DHRSX: variants seen among roughly 807,000 people sequenced by gnomAD.
DHRSX encodes dehydrogenase/reductase X-linked.
A neutral mutation model predicts 34.0 loss-of-function variants in DHRSX; 31 were observed. The observed-to-expected ratio is 0.91, with a 90% confidence interval of 0.69 to 1.23. The LOEUF (loss-of-function observed/expected upper bound fraction) is 1.23. Ranked by LOEUF, DHRSX falls within the 50% of genes most tolerant of loss-of-function variation. The pLI is 0.00. For missense variants in DHRSX, 414 were observed against 428.1 expected (o/e 0.97, Z 0.29); for synonymous variants, 201 against 183.8 (o/e 1.09, Z -0.76).
chrX:2,461,782 C>T (rs2044405551), intron 1 of DHRSX, among the ~76,000 whole-genome samples: 1 of 152,166 alleles, frequency 6.6e-6, no homozygotes, highest in South Asian at 2.1e-4. Context: ...TCACTGCAGC[C>T]TCCAACTCCC....
chrX:2,446,541 C>T (rs1010204838), intron 1 of DHRSX, among the ~76,000 whole-genome samples: 25 of 152,062 alleles, frequency 1.6e-4, no homozygotes, highest in Non-Finnish European at 2.9e-4. Context: ...AAGAGACCAC[C>T]GCCATGTACA....
rs180813542 is a variant in DHRSX at position 2,251,870 on chromosome X, C to T, written c.597-8640G>A. On this transcript the variant is annotated intron_variant, in intron 5 of 6. Coordinates refer to ENST00000334651, the MANE Select transcript of DHRSX (RefSeq NM_145177.3). Reference sequence around the variant, plus strand: ...CATGGAGACTTTGCAAAATAATGAACAATCAAAACATAACTTTTTGGGGGT... The same window carrying T: ...CATGGAGACTTTGCAAAATAATGAATAATCAAAACATAACTTTTTGGGGGT... 5.6e-3 allele frequency among the ~76,000 whole-genome samples: 844 copies of T among 151,990 alleles called. 8 individuals carry two copies. Among genetic ancestry groups the T allele is most frequent in the Middle Eastern group, 0.01 (3 of 294 alleles).
intron 3 of DHRSX, among the ~76,000 whole-genome samples, chrX:2,388,394 G>C (rs1263267464): frequency 2.0e-5 from 3 of 152,128 alleles, no homozygotes; most frequent in Admixed American, 6.5e-5. Context: ...GTTGGGGGGA[G>C]GCTGATCCAA....
At chrX:2,368,242 C>CA (rs761239560) in intron 3 of DHRSX, among the ~76,000 whole-genome samples, 19,166 of 118,138 alleles carry the variant, frequency 0.16, 1,366 homozygotes, top group East Asian at 0.2. Context: ...GACTCTGTCT[C>CA]AAAAAAAAAA....
At chrX:2,489,721 A>G in intron 1 of DHRSX, 1 of 1,613,076 alleles carries the variant, frequency 6.2e-7, no homozygotes, top group Non-Finnish European at 8.5e-7. Context: ...TCTGCTTCTC[A>G]TAGAGCATGT....
At chrX:2,260,989 C>T (rs2041356308) in intron 5 of DHRSX, among the ~76,000 whole-genome samples, 1 of 151,480 alleles carries the variant, frequency 6.6e-6, no homozygotes, top group Admixed American at 6.6e-5. Flanking sequence ...GCAGGCAGAT[C>T]ACTTGAGGTC....
At chrX:2,352,680 C>T (rs189478482) in intron 3 of DHRSX, among the ~76,000 whole-genome samples, 18 of 152,234 alleles carry the variant, frequency 1.2e-4, no homozygotes, top group Middle Eastern at 3.4e-3. Flanking sequence ...GAGAATACCA[C>T]GTTTCGGCGT....
intron 3 of DHRSX, among the ~76,000 whole-genome samples, chrX:2,367,866 A>C (rs1442200601): frequency 6.6e-6 from 1 of 152,162 alleles, no homozygotes; most frequent in Non-Finnish European, 1.5e-5. Context: ...CATTTTTAGA[A>C]GGCACATTGA....
chrX:2,488,397 T>G, intron 1 of DHRSX: 1 of 484,174 alleles, frequency 2.1e-6, no homozygotes. Flanking sequence ...CTGGTCTCGA[T>G]CTCCTGACCT....
chrX:2,241,020 C>A (rs763343370), intron 6 of DHRSX, among the ~76,000 whole-genome samples: 1 of 152,148 alleles, frequency 6.6e-6, no homozygotes, highest in African/African-American at 2.4e-5. Context: ...CCTGTCTTTA[C>A]TAAAAATACA....
chrX:2,231,756 C>G (rs2015891044), intron 6 of DHRSX, among the ~76,000 whole-genome samples: 1 of 149,710 alleles, frequency 6.7e-6, no homozygotes, highest in East Asian at 2.0e-4. Flanking sequence ...CCACCTCGTC[C>G]TCTTCCTCCT....
At chrX:2,243,818 TTTTTGA>T in intron 5 of DHRSX, among the ~76,000 whole-genome samples, 1 of 115,706 alleles carries the variant, frequency 8.6e-6, no homozygotes, top group African/African-American at 4.7e-5. Context: ...TTTTTTTTTT[TTTTTGA>T]GACAGATTCT....
At chrX:2,405,884 C>A (rs1165609452) in intron 3 of DHRSX, among the ~76,000 whole-genome samples, 1 of 141,862 alleles carries the variant, frequency 7.0e-6, no homozygotes, top group African/African-American at 2.8e-5. Context: ...TTCAAACAGC[C>A]AAGGAAGGGA....
intron 1 of DHRSX, among the ~76,000 whole-genome samples, chrX:2,480,393 A>T (rs180972016): frequency 1.3e-5 from 2 of 151,436 alleles, no homozygotes; most frequent in Non-Finnish European, 2.9e-5. Flanking sequence ...ATAAAATTTC[A>T]GTTGGAGGCC....
intron 1 of DHRSX, among the ~76,000 whole-genome samples, chrX:2,453,539 G>A (rs750393882): frequency 6.6e-6 from 1 of 151,928 alleles, no homozygotes. Flanking sequence ...AGGTGTGGTG[G>A]TGTGCACCTG....
At chrX:2,324,133 G>C (rs931574324) in intron 3 of DHRSX, among the ~76,000 whole-genome samples, 9 of 151,800 alleles carry the variant, frequency 5.9e-5, no homozygotes, top group African/African-American at 2.2e-4. Flanking sequence ...TTTCTGCTTT[G>C]TTGGTGATTT....
At chrX:2,461,486 A>G (rs1263618875) in intron 1 of DHRSX, among the ~76,000 whole-genome samples, 4 of 152,218 alleles carry the variant, frequency 2.6e-5, no homozygotes, top group Non-Finnish European at 2.9e-5. Flanking sequence ...TTAGGGCACA[A>G]AGAACCCAAC....
intron 1 of DHRSX, among the ~76,000 whole-genome samples, chrX:2,448,530 T>C (rs1438778650): frequency 2.0e-5 from 3 of 148,824 alleles, no homozygotes; most frequent in Admixed American, 1.3e-4. Flanking sequence ...TGTGAATATG[T>C]TAATTAGCTT....
chrX:2,339,646 T>G (rs1228658964), intron 3 of DHRSX, among the ~76,000 whole-genome samples: 2 of 152,200 alleles, frequency 1.3e-5, no homozygotes, highest in African/African-American at 4.8e-5. Context: ...GATGTTTGGT[T>G]TTCCATTCCT....
Sources: gnomAD v4.1 joint callset for allele counts (sites outside exome capture counted in the v4.1 genomes callset) on GRCh38, gnomAD v4.1.1 for gene constraint, MANE v1.5 for transcripts, NCBI Gene and HGNC (gene_info 2026-07-23, HGNC 2026-07-21) for gene names.